Variants in CHD2 observed in about 807,000 individuals in gnomAD.
CHD2 encodes ATP-dependent chromatin remodeler CHD2.
Under a neutral mutation model 243.9 loss-of-function variants are expected in CHD2, and 28 were observed. The observed-to-expected ratio is 0.11, with a 90% CI of 0.09 to 0.16. The LOEUF (loss-of-function observed/expected upper bound fraction) is 0.16, where lower values mean the gene tolerates loss of function less well. Ranked by LOEUF, CHD2 falls within the 10% of genes least tolerant of loss-of-function variation. The probability of loss-of-function intolerance (pLI) is 1.00; values close to 1 mark genes in which losing one functional copy is unlikely to be tolerated. For synonymous variants in CHD2, 775 were observed against 779.0 expected (o/e 0.99, Z 0.09); for missense variants, 1,386 against 2,209.8 (o/e 0.63, Z 7.47).
chr15:92,973,663 T>C (rs925956431), intron 19 of CHD2, among the ~76,000 whole-genome samples: 2 of 152,198 alleles, frequency 1.3e-5, no homozygotes, highest in Non-Finnish European at 2.9e-5. Context: ...AAACAGCCTA[T>C]TGCAAAAAGT....
intron 2 of CHD2, chr15:92,904,448 C>T (rs866762716): frequency 9.1e-6 from 9 of 988,510 alleles, no homozygotes; most frequent in Middle Eastern, 5.7e-4. Flanking sequence ...GTGCGCATGT[C>T]GGGCGCTTTC....
At chr15:92,936,139 T>C (rs2053263519) in intron 5 of CHD2, among the ~76,000 whole-genome samples, 1 of 152,176 alleles carries the variant, frequency 6.6e-6, no homozygotes, top group Non-Finnish European at 1.5e-5. Context: ...TTGTTGTTTT[T>C]TCCCCCTAAG....
At chr15:92,996,648 A>G (rs769567378) in intron 28 of CHD2, among the ~76,000 whole-genome samples, 4 of 152,184 alleles carry the variant, frequency 2.6e-5, no homozygotes, top group Non-Finnish European at 5.9e-5. Context: ...CAGCACTAAT[A>G]TTATACCCTC....
At chr15:93,007,557 G>A (rs1388114014) in intron 34 of CHD2, among the ~76,000 whole-genome samples, 1 of 152,156 alleles carries the variant, frequency 6.6e-6, no homozygotes, top group African/African-American at 2.4e-5. Flanking sequence ...TGACCACAAA[G>A]TGATGGGGAA....
intron 2 of CHD2, among the ~76,000 whole-genome samples, chr15:92,912,296 ATAGC>A (rs1253687036): frequency 2.0e-5 from 3 of 152,142 alleles, no homozygotes; most frequent in Non-Finnish European, 4.4e-5. Flanking sequence ...GGTCTGTGGC[ATAGC>A]TAGGCTTGAG....
intron 16 of CHD2, among the ~76,000 whole-genome samples, chr15:92,966,563 T>A (rs2053766358): frequency 6.6e-6 from 1 of 152,182 alleles, no homozygotes; most frequent in African/African-American, 2.4e-5. Context: ...TGTAGATTGT[T>A]TCAGGCCATA....
chr15:92,977,247 C>T (rs1407220912), intron 20 of CHD2, among the ~76,000 whole-genome samples: 1 of 152,188 alleles, frequency 6.6e-6, no homozygotes, highest in East Asian at 1.9e-4. Context: ...CTGTTGATCA[C>T]TTCTTTATTG....
intron 13 of CHD2, among the ~76,000 whole-genome samples, chr15:92,951,253 C>T (rs2053550423): frequency 6.6e-6 from 1 of 152,152 alleles, no homozygotes; most frequent in South Asian, 2.1e-4. Context: ...TCACTGCAAC[C>T]TCCGATTCCC....
At chr15:92,909,911 T>A (rs1446713631) in intron 2 of CHD2, among the ~76,000 whole-genome samples, 1 of 151,978 alleles carries the variant, frequency 6.6e-6, no homozygotes, top group African/African-American at 2.4e-5. Context: ...GTGCTTACTC[T>A]GGGTAAGGGA....
chr15:92,984,587 A>T, intron 25 of CHD2, 87 bp downstream of exon 25: 2 of 1,262,698 alleles, frequency 1.6e-6, no homozygotes, highest in Non-Finnish European at 2.1e-6. Context: ...GAGGCCTTGC[A>T]TTGTTCCCCT....
At chr15:92,962,175 C>T (rs909760381) in intron 16 of CHD2, among the ~76,000 whole-genome samples, 5 of 151,778 alleles carry the variant, frequency 3.3e-5, no homozygotes, top group African/African-American at 4.8e-5. Context: ...CCCCCGTGCC[C>T]GGACCCTCTG....
chr15:92,985,691 T>A lies in CHD2; in HGVS notation c.3413+18T>A, dbSNP rs767399057. 1 of 1,601,770 alleles carries A rather than the reference T, an allele frequency of 6.2e-7. No homozygotes were observed. The highest frequency in any genetic ancestry group is 8.5e-7 in the Non-Finnish European group (1 of 1,175,366). ...ATCCGAAGGTTGGTGGAGGCTCTGT[T>A]CTCACTGAGCTTGTTTGAAAGTGCG... On this transcript the variant is annotated intron_variant, in intron 26 of 38. Transcript: ENST00000394196.
Position 92,900,723 on chromosome 15 carries a change from G to GT in CHD2, c.-167dup, listed in dbSNP as rs2052517013. On this transcript the variant is annotated 5_prime_UTR_variant, in exon 1 of 39. Transcript: ENST00000394196. ...TTGAGGGTTATTTTATTTATTTTTC[G>GT]TTTTTTAACGGAGGATTTTGCCTTT... 5.0e-6 allele frequency: 2 copies of GT among 396,942 alleles called. No homozygotes were observed. Among genetic ancestry groups the GT allele is most frequent in the Non-Finnish European group, 4.4e-6 (1 of 225,636 alleles). 24.6% of individuals were successfully genotyped at this position (396,942 alleles called of 1,614,324 possible). A position where few individuals can be genotyped will look rare whatever the true frequency, so the allele number is the denominator to read the frequency against.
rs1394541385 is a variant in CHD2 at position 92,900,507 on chromosome 15, A to T, written c.-389A>T. Reference sequence around the variant, plus strand: ...TCGAACCTTTTTTTGGGAGAAAAGCAGCTTTTAGGAGCTTTCTTTTCGTGC... The same window carrying T: ...TCGAACCTTTTTTTGGGAGAAAAGCTGCTTTTAGGAGCTTTCTTTTCGTGC... On this transcript the variant is annotated 5_prime_UTR_variant, in exon 1 of 39. Transcript: ENST00000394196. 1 of 398,634 alleles carries T rather than the reference A, an allele frequency of 2.5e-6. No individual in the cohort carries two copies. Among genetic ancestry groups the T allele is most frequent in the African/African-American group, 2.1e-5 (1 of 48,574 alleles). The allele number at this position is 398,634 out of a possible 1,614,324, so 24.7% of individuals were successfully genotyped here. A position where few individuals can be genotyped will look rare whatever the true frequency, so the allele number is the denominator to read the frequency against.
At chr15:92,931,569 C>G (rs925479975) in intron 5 of CHD2, among the ~76,000 whole-genome samples, 4 of 151,870 alleles carry the variant, frequency 2.6e-5, no homozygotes, top group African/African-American at 9.7e-5. Context: ...ACATAGAGGT[C>G]TCACTACGTT....
At chr15:92,988,082 C>T (rs990207628) in intron 26 of CHD2, among the ~76,000 whole-genome samples, 3 of 146,826 alleles carry the variant, frequency 2.0e-5, no homozygotes, top group African/African-American at 2.5e-5. Context: ...TTAGTTGTCT[C>T]TTTTTTTTTT....
intron 2 of CHD2, among the ~76,000 whole-genome samples, chr15:92,923,572 T>TG (rs1017172191): frequency 5.3e-5 from 8 of 150,484 alleles, no homozygotes; most frequent in African/African-American, 1.7e-4. Context: ...TTTTTTTTTT[T>TG]TTTTTTTTTC....
intron 2 of CHD2, among the ~76,000 whole-genome samples, chr15:92,911,353 A>C (rs2052731155): frequency 1.3e-5 from 2 of 152,144 alleles, no homozygotes; most frequent in African/African-American, 4.8e-5. Context: ...TCACAAGGAG[A>C]GTAGATGGTA....
chr15:92,937,746 T>C lies in CHD2; in HGVS notation c.551+121T>C, dbSNP rs143500030. The C allele has an allele frequency of 6.8e-4, 470 of 689,034 alleles. 1 individual carries two copies. The African/African-American group carries it at 7.9e-3, about 12-fold the overall frequency. 42.7% of individuals were successfully genotyped at this position (689,034 alleles called of 1,614,324 possible). ...TGCATTGTGTTTTGATTCTGCGTTT[T>C]AGATATCTGTGGTTCACTTTCAGCC... On this transcript the variant is annotated intron_variant, in intron 6 of 38. Transcript: ENST00000394196.
Sources: allele counts gnomAD v4.1 joint callset (sites outside exome capture counted in the v4.1 genomes callset), GRCh38; gene constraint gnomAD v4.1.1; transcripts MANE v1.5; gene names NCBI Gene and HGNC (gene_info 2026-07-23, HGNC 2026-07-21).